The following NAALADL2 variants were observed in gnomAD, a reference collection of about 807,000 sequenced individuals.
NAALADL2 encodes the protein inactive N-acetylated-alpha-linked acidic dipeptidase-like protein 2.
Under a neutral mutation model 87.2 loss-of-function variants are expected in NAALADL2, and 76 were observed. That is an observed-to-expected ratio of 0.87 (90% CI 0.72 to 1.05). The LOEUF (loss-of-function observed/expected upper bound fraction) is 1.05, where lower values mean the gene tolerates loss of function less well. Among genes scored for constraint, NAALADL2 ranks in the 50% least tolerant of loss-of-function variants. NAALADL2 has a pLI of 0.00. For missense variants in NAALADL2, 1,089 were observed against 945.8 expected, an observed-to-expected ratio of 1.15 and a Z score of -1.99; for synonymous variants, 354 against 331.0, an observed-to-expected ratio of 1.07 and a Z score of -0.75.
chr3:175,597,948 TTATCTC>T (rs1301652497), intron 10 of NAALADL2, among the ~76,000 whole-genome samples: 3 of 152,050 alleles, frequency 2.0e-5, no homozygotes, highest in East Asian at 3.9e-4. Flanking sequence ...AATATGAACA[TTATCTC>T]TATTCTCTCC....
intron 1 of NAALADL2, among the ~76,000 whole-genome samples, chr3:175,074,585 C>T (rs532307450): frequency 6.6e-6 from 1 of 152,004 alleles, no homozygotes; most frequent in Non-Finnish European, 1.5e-5. Context: ...TTTGAACATT[C>T]CCTAGATACT....
chr3:175,124,902 CAA>C (rs1470122007), intron 2 of NAALADL2, among the ~76,000 whole-genome samples: 1 of 151,620 alleles, frequency 6.6e-6, no homozygotes, highest in African/African-American at 2.4e-5. Flanking sequence ...TGGGGATAGA[CAA>C]TATATTAGAG....
At chr3:174,900,308 A>G (rs539219053) in intron 1 of NAALADL2, among the ~76,000 whole-genome samples, 1 of 152,232 alleles carries the variant, frequency 6.6e-6, no homozygotes, top group East Asian at 1.9e-4. Context: ...ACCAAAATAA[A>G]TTCAGATTTA....
intron 5 of NAALADL2, among the ~76,000 whole-genome samples, chr3:175,370,110 A>T (rs1766264474): frequency 6.6e-6 from 1 of 152,104 alleles, no homozygotes; most frequent in Non-Finnish European, 1.5e-5. Flanking sequence ...TAAAAGAATG[A>T]TTATTTCAAT....
chr3:174,511,641 A>T (rs73882407), intron 1 of NAALADL2, among the ~76,000 whole-genome samples: 4,774 of 150,346 alleles, frequency 0.032, 238 homozygotes, highest in African/African-American at 0.11. Flanking sequence ...AGACCATTTA[A>T]TTTCCATGTA....
intron 12 of NAALADL2, among the ~76,000 whole-genome samples, chr3:175,753,052 A>T (rs1312822587): frequency 1.3e-5 from 2 of 152,194 alleles, no homozygotes; most frequent in East Asian, 1.9e-4. Flanking sequence ...TTTCTAAATG[A>T]CTTAAAATAC....
At chr3:174,605,615 G>A (rs921414527) in intron 2 of NAALADL2, among the ~76,000 whole-genome samples, 2 of 152,108 alleles carry the variant, frequency 1.3e-5, no homozygotes, top group Admixed American at 6.5e-5. Context: ...GCTGGGGGAG[G>A]GGCGCCCACC....
At chr3:175,706,203 T>C (rs1397409910) in intron 11 of NAALADL2, among the ~76,000 whole-genome samples, 2 of 152,110 alleles carry the variant, frequency 1.3e-5, no homozygotes, top group Non-Finnish European at 2.9e-5. Context: ...ATCATATCTG[T>C]CTTATAAGTA....
chr3:174,737,173 A>AG, intron 2 of NAALADL2, among the ~76,000 whole-genome samples: 1 of 152,200 alleles, frequency 6.6e-6, no homozygotes, highest in Admixed American at 6.5e-5. Context: ...CAACCTCTCC[A>AG]GATGGGCTGC....
intron 1 of NAALADL2, among the ~76,000 whole-genome samples, chr3:174,524,362 G>T (rs2108421620): frequency 6.6e-6 from 1 of 152,284 alleles, no homozygotes; most frequent in East Asian, 1.9e-4. Flanking sequence ...TGAGAGTGGG[G>T]TGGCGGGTGG....
At chr3:174,704,070 G>C (rs1423338960) in intron 2 of NAALADL2, among the ~76,000 whole-genome samples, 1 of 152,154 alleles carries the variant, frequency 6.6e-6, no homozygotes, top group South Asian at 2.1e-4. Context: ...AACGGAATAG[G>C]CTAGGAGATA....
chr3:175,619,631 T>C (rs193165188), intron 10 of NAALADL2, among the ~76,000 whole-genome samples: 172 of 152,274 alleles, frequency 1.1e-3, no homozygotes, highest in African/African-American at 3.9e-3. Flanking sequence ...TTGTTCTGAA[T>C]TACACTCCTG....
In NAALADL2 at chr3:174,555,357, T is replaced by A. The variant is rs557961025; in HGVS notation, c.-115+4720T>A. Among the ~76,000 whole-genome samples, 6 of 152,322 alleles carry A rather than the reference T, an allele frequency of 3.9e-5. No individual in the cohort carries two copies. In the South Asian group the frequency reaches 1.2e-3, roughly 32 times the overall value. On this transcript the variant is annotated intron_variant, in intron 2 of 3. Transcript: ENST00000434257. ...TCTTGTCGCCCAGCCTGGAGTGCAA[T>A]GGCGCGATCTTGGCCCACTGCAACC...
intron 1 of NAALADL2, among the ~76,000 whole-genome samples, chr3:174,514,372 G>T (rs944698259): frequency 6.6e-6 from 1 of 151,996 alleles, no homozygotes; most frequent in Non-Finnish European, 1.5e-5. Flanking sequence ...AAGAAAAAAT[G>T]ATTATATAAA....
At chr3:175,301,919 G>A (rs1235070060) in intron 4 of NAALADL2, among the ~76,000 whole-genome samples, 1 of 152,104 alleles carries the variant, frequency 6.6e-6, no homozygotes, top group African/African-American at 2.4e-5. Flanking sequence ...CTTCCAGTTG[G>A]GGACACCGTT....
chr3:175,587,237 AAG>A (rs10576685), intron 10 of NAALADL2, among the ~76,000 whole-genome samples: 13,494 of 152,226 alleles, frequency 0.089, 1,437 homozygotes, highest in African/African-American at 0.25. Context: ...AGTTTTTAAT[AAG>A]AGTTAATTGC....
intron 3 of NAALADL2, among the ~76,000 whole-genome samples, chr3:174,831,629 A>C (rs1480765069): frequency 6.6e-6 from 1 of 151,142 alleles, no homozygotes; most frequent in African/African-American, 2.4e-5. Context: ...TCATAAAAAG[A>C]GTTAGGGAGG....
At chr3:174,876,178 C>A (rs1030923593) in intron 1 of NAALADL2, among the ~76,000 whole-genome samples, 11 of 152,152 alleles carry the variant, frequency 7.2e-5, no homozygotes, top group Admixed American at 5.9e-4. Context: ...CAATAAAAAT[C>A]TTCTCTCTTT....
chr3:175,575,553 G>A (rs917877313), intron 9 of NAALADL2, among the ~76,000 whole-genome samples: 2 of 152,070 alleles, frequency 1.3e-5, no homozygotes, highest in Non-Finnish European at 2.9e-5. Context: ...CCAAAGTGCT[G>A]GGATTACAGG....
Sources: allele counts gnomAD v4.1 joint callset (sites outside exome capture counted in the v4.1 genomes callset), GRCh38; gene constraint gnomAD v4.1.1; transcripts MANE v1.5; gene names NCBI Gene and HGNC (gene_info 2026-07-23, HGNC 2026-07-21).